The following MAD1L1 variants were observed in gnomAD, a reference collection of about 807,000 sequenced individuals.
MAD1L1 encodes mitotic spindle assembly checkpoint protein MAD1.
In MAD1L1, 95 loss-of-function variants were observed where a neutral mutation model predicts 96.9. The ratio of observed to expected loss-of-function variants is 0.98; its 90% CI spans 0.83 to 1.16. The LOEUF is 1.16. MAD1L1 is among the 50% of genes most tolerant of loss of function. The pLI is 0.00. For synonymous variants in MAD1L1, 473 were observed against 396.6 expected (o/e 1.19, Z -2.29); for missense variants, 1,007 against 954.4 (o/e 1.06, Z -0.73).
At chr7:2,020,119 G>C (rs1218415614) in intron 12 of MAD1L1, among the ~76,000 whole-genome samples, 1 of 152,234 alleles carries the variant, frequency 6.6e-6, no homozygotes, top group Non-Finnish European at 1.5e-5. Flanking sequence ...CGGAGGGGCA[G>C]AGCCCCGGCT....
In MAD1L1 at chr7:2,100,329, G is replaced by A. The variant is rs1786714312; in HGVS notation, c.1074-30991C>T. ...TTGAAACTCTATGGCAGAAAGCACG[G>A]CCTTTTGACCTTGAGCCTTCTGACA... On this transcript the variant is annotated intron_variant, in intron 11 of 18. Coordinates refer to ENST00000265854, the MANE Select transcript of MAD1L1 (RefSeq NM_001013836.2). Among the ~76,000 whole-genome samples the A allele has an allele frequency of 5.9e-5, 9 of 152,360 alleles. No individual in the cohort carries two copies. In the East Asian group the frequency reaches 1.2e-3, roughly 20 times the overall value.
chr7:1,873,045 G>C lies in MAD1L1; in HGVS notation c.1998+25155C>G, dbSNP rs1298750326. Among the ~76,000 whole-genome samples the C allele has an allele frequency of 2.0e-5, 3 of 152,270 alleles. No individual in the cohort carries two copies. The East Asian group carries it at 5.8e-4, about 29-fold the overall frequency. On this transcript the variant is annotated intron_variant, in intron 18 of 18. Coordinates refer to ENST00000265854, the MANE Select transcript of MAD1L1 (RefSeq NM_001013836.2). ...CGGAGAGAAGAAAGGGCCCAGCCCA[G>C]CAATGACGCAACGAGTCACACAGGG...
rs144131144 is a variant in MAD1L1 at position 1,953,050 on chromosome 7, C to T, written c.1596+4579G>A. Reference sequence around the variant, plus strand: ...CGGCCCTCTCCCAGGGCAGCTGCAGCGTTGGTGGCTTCAGAATTCCAGGGA... The same window carrying T: ...CGGCCCTCTCCCAGGGCAGCTGCAGTGTTGGTGGCTTCAGAATTCCAGGGA... On this transcript the variant is annotated intron_variant, in intron 16 of 18. Coordinates refer to ENST00000265854, the MANE Select transcript of MAD1L1 (RefSeq NM_001013836.2). 1.3e-3 allele frequency among the ~76,000 whole-genome samples: 200 copies of T among 152,230 alleles called. 1 individual carries two copies. The highest frequency in any genetic ancestry group is 3.8e-3 in the African/African-American group (159 of 41,550).
intron 18 of MAD1L1, chr7:1,848,122 C>T (rs887429077): frequency 3.3e-5 from 8 of 239,594 alleles, no homozygotes; most frequent in East Asian, 2.2e-4. Flanking sequence ...GACCTAGTGT[C>T]GCTCTCAGGG....
At chr7:1,830,768 T>C (rs945652757) in intron 18 of MAD1L1, among the ~76,000 whole-genome samples, 1 of 149,278 alleles carries the variant, frequency 6.7e-6, no homozygotes, top group African/African-American at 2.5e-5. Context: ...AGTTAACAAA[T>C]CAAAAAAGGA....
chr7:2,031,724 C>T (rs192200718), intron 12 of MAD1L1, among the ~76,000 whole-genome samples: 10 of 152,368 alleles, frequency 6.6e-5, no homozygotes, highest in Admixed American at 5.9e-4. Context: ...ACGTGACCCT[C>T]GCAAGGTCTC....
At chr7:1,931,999 T>C (rs73050157) in intron 17 of MAD1L1, among the ~76,000 whole-genome samples, 18 of 152,060 alleles carry the variant, frequency 1.2e-4, no homozygotes, top group African/African-American at 4.1e-4. Flanking sequence ...TGCCAAAGAG[T>C]GACCCAGGGA....
At chr7:1,921,449 C>T (rs1239296976) in intron 17 of MAD1L1, among the ~76,000 whole-genome samples, 1 of 151,964 alleles carries the variant, frequency 6.6e-6, no homozygotes, top group Non-Finnish European at 1.5e-5. Flanking sequence ...ATCTATAGTA[C>T]CTGTAGCTGG....
intron 13 of MAD1L1, among the ~76,000 whole-genome samples, chr7:2,012,409 A>G (rs1235822680): frequency 3.3e-5 from 5 of 152,230 alleles, no homozygotes; most frequent in South Asian, 2.1e-4. Context: ...CTCTTCATTA[A>G]TGCTTCACAG....
At chr7:2,069,675 TC>T (rs1785035503) in intron 11 of MAD1L1, among the ~76,000 whole-genome samples, 1 of 152,174 alleles carries the variant, frequency 6.6e-6, no homozygotes, top group South Asian at 2.1e-4. Context: ...CCCCTCTGAA[TC>T]ACCGCAGATG....
chr7:2,209,679 C>T (rs1023993849), intron 10 of MAD1L1, among the ~76,000 whole-genome samples: 6 of 152,218 alleles, frequency 3.9e-5, no homozygotes, highest in African/African-American at 1.4e-4. Flanking sequence ...AGCTCCTCCA[C>T]ACCCACGGGG....
intron 11 of MAD1L1, among the ~76,000 whole-genome samples, chr7:2,133,727 G>A (rs1788623421): frequency 6.6e-6 from 1 of 152,230 alleles, no homozygotes. Context: ...TTTGAGGAAG[G>A]TGTAAGGTCT....
chr7:2,111,156 GAGC>G (rs1383349938), intron 11 of MAD1L1, among the ~76,000 whole-genome samples: 1 of 152,190 alleles, frequency 6.6e-6, no homozygotes, highest in African/African-American at 2.4e-5. Flanking sequence ...GAGAGAGGAG[GAGC>G]ACACACACCG....
At chr7:1,846,798 T>C in intron 18 of MAD1L1, 2 of 186,542 alleles carry the variant, frequency 1.1e-5, no homozygotes, top group South Asian at 1.9e-4. Context: ...TGCTTCATTC[T>C]TTGCAAAGAA....
In MAD1L1 at chr7:2,123,304, C is replaced by CAA. The variant is rs56201563; in HGVS notation, c.1073+25846_1073+25847dup. On this transcript the variant is annotated intron_variant, in intron 11 of 18. Transcript: ENST00000265854. ...TGGGCGACAGAGCGAGACTCCATCT[C>CAA]AAAAAAAAAAAAAAAAGCAGCAGGG... 1.6e-3 allele frequency among the ~76,000 whole-genome samples: 179 copies of CAA among 108,732 alleles called. 10 individuals are homozygous for CAA. The highest frequency in any genetic ancestry group is 0.013 in the East Asian group (49 of 3,838). The allele number at this position is 108,732 out of a possible 152,430, so 71.3% of individuals were successfully genotyped here. A position where few individuals can be genotyped will look rare whatever the true frequency, so the allele number is the denominator to read the frequency against.
At chr7:2,033,629 T>C (rs1040488197) in intron 12 of MAD1L1, among the ~76,000 whole-genome samples, 5 of 152,206 alleles carry the variant, frequency 3.3e-5, no homozygotes, top group Non-Finnish European at 7.3e-5. Context: ...ACAAAATTCA[T>C]TAAGACCCGT....
chr7:1,869,049 T>G (rs1784915675), intron 18 of MAD1L1, among the ~76,000 whole-genome samples: 1 of 152,134 alleles, frequency 6.6e-6, no homozygotes, highest in South Asian at 2.1e-4. Flanking sequence ...GGGGCCCGAA[T>G]GGCACCGACG....
At chr7:1,914,073 G>A (rs1788200692) in intron 17 of MAD1L1, among the ~76,000 whole-genome samples, 2 of 152,156 alleles carry the variant, frequency 1.3e-5, no homozygotes, top group Non-Finnish European at 2.9e-5. Flanking sequence ...CAGGCACCGC[G>A]TCCAGGTCCC....
chr7:2,228,316 C>T (rs1208014886), intron 3 of MAD1L1, among the ~76,000 whole-genome samples: 2 of 152,200 alleles, frequency 1.3e-5, no homozygotes, highest in Non-Finnish European at 2.9e-5. Flanking sequence ...GGCTGGAGTG[C>T]AGTGGCGCGA....
Sources: allele counts gnomAD v4.1 joint callset (sites outside exome capture counted in the v4.1 genomes callset), GRCh38; gene constraint gnomAD v4.1.1; transcripts MANE v1.5; gene names NCBI Gene and HGNC (gene_info 2026-07-23, HGNC 2026-07-21).